The following ZNF346 variants were observed in gnomAD, a reference collection of about 807,000 sequenced individuals.
ZNF346 encodes the protein zinc finger protein 346, also known as double-stranded RNA-binding zinc finger protein JAZ.
ZNF346 carries 23 observed loss-of-function variants against 33.7 expected under a neutral mutation model. The observed-to-expected ratio is 0.68, with a 90% CI of 0.49 to 0.97. The LOEUF is 0.97. ZNF346 is among the 50% of genes least tolerant of loss of function. The pLI is 0.00. For synonymous variants in ZNF346, 134 were observed against 142.4 expected (o/e 0.94, Z 0.42); for missense variants, 340 against 371.1 (o/e 0.92, Z 0.69).
At chr5:177,032,837 C>T (rs983907229) in intron 1 of ZNF346, among the ~76,000 whole-genome samples, 7 of 152,276 alleles carry the variant, frequency 4.6e-5, no homozygotes, top group Non-Finnish European at 1.0e-4. Flanking sequence ...AGAAGGATCA[C>T]TTGAGGCCAG....
chr5:177,032,445 T>C (rs1777865385), intron 1 of ZNF346, among the ~76,000 whole-genome samples: 1 of 150,840 alleles, frequency 6.6e-6, no homozygotes, highest in South Asian at 2.1e-4. Context: ...AGTTTCGCCC[T>C]TGTCACCCAG....
intron 1 of ZNF346, among the ~76,000 whole-genome samples, chr5:177,027,675 C>A (rs1409133189): frequency 7.7e-6 from 1 of 129,516 alleles, no homozygotes; most frequent in Non-Finnish European, 1.6e-5. Flanking sequence ...TTTTTAAATT[C>A]TCTATTTATT....
At chr5:177,030,680 A>G (rs999944168) in intron 1 of ZNF346, among the ~76,000 whole-genome samples, 5 of 151,988 alleles carry the variant, frequency 3.3e-5, no homozygotes, top group African/African-American at 9.7e-5. Context: ...AAAATGTACA[A>G]TTCTGTGGTT....
intron 1 of ZNF346, among the ~76,000 whole-genome samples, chr5:177,024,157 TACAC>T (rs144403449): frequency 7.4e-5 from 9 of 121,358 alleles, no homozygotes; most frequent in African/African-American, 1.6e-4. Flanking sequence ...ATTTTATGTA[TACAC>T]ACACACACAC....
At chr5:177,029,038 G>A (rs413948) in intron 1 of ZNF346, among the ~76,000 whole-genome samples, 138,266 of 152,060 alleles carry the variant, frequency 0.91, 62,965 homozygotes, top group East Asian at 0.99. Flanking sequence ...GCCCCTTTCA[G>A]CCACACCTTG....
chr5:177,036,897 A>G (rs1778586388), intron 1 of ZNF346, among the ~76,000 whole-genome samples: 1 of 150,990 alleles, frequency 6.6e-6, no homozygotes, highest in Non-Finnish European at 1.5e-5. Context: ...ATGCCACTGC[A>G]CTCCAGTGTG....
chr5:177,033,366 C>G (rs1448933721), intron 1 of ZNF346, among the ~76,000 whole-genome samples: 2 of 152,218 alleles, frequency 1.3e-5, no homozygotes, highest in Admixed American at 6.5e-5. Context: ...GCGTGGGCCA[C>G]TGACCCAGCC....
At chr5:177,036,556 C>A (rs2149610803) in intron 1 of ZNF346, among the ~76,000 whole-genome samples, 1 of 152,200 alleles carries the variant, frequency 6.6e-6, no homozygotes, top group Non-Finnish European at 1.5e-5. Context: ...TGTACGCAGC[C>A]TCAGGGTGGC....
intron 1 of ZNF346, among the ~76,000 whole-genome samples, chr5:177,028,305 A>G (rs1351920906): frequency 6.7e-6 from 1 of 149,580 alleles, no homozygotes; most frequent in Non-Finnish European, 1.5e-5. Context: ...GCTTTCCCAA[A>G]GCACTGGGAT....
At position 177,022,798 on chromosome 5, in the gene ZNF346, C is replaced by A; in HGVS notation, c.60C>A (p.Tyr20Ter). 1 of 1,546,042 alleles carries A rather than the reference C, an allele frequency of 6.5e-7. No individual in the cohort carries two copies. Among genetic ancestry groups the A allele is most frequent in the Non-Finnish European group, 8.7e-7 (1 of 1,147,024 alleles). Reference protein sequence around the residue: ...QAADGGAAGPYSSSELLEGQE... With the variant: ...QAADGGAAGP Reference sequence around the variant, plus strand: ...CGGACGGCGGAGCGGCCGGGCCTTACAGCAGCTCGGAGTTGCTGGAGGGCC... The same window carrying A: ...CGGACGGCGGAGCGGCCGGGCCTTAAAGCAGCTCGGAGTTGCTGGAGGGCC... Residue 20 changes from tyrosine to a stop codon, truncating the protein, a stop_gained, in exon 1 of 7, where the codon TAC becomes TAA. Transcript: ENST00000358149. LOFTEE classifies it high-confidence loss of function.
At chr5:177,033,079 G>A (rs557438295) in intron 1 of ZNF346, among the ~76,000 whole-genome samples, 54 of 152,068 alleles carry the variant, frequency 3.6e-4, no homozygotes, top group African/African-American at 1.3e-3. Flanking sequence ...ATTGTTTGAG[G>A]GGTTTTTGCT....
At chr5:177,024,131 A>G (rs547292788) in intron 1 of ZNF346, among the ~76,000 whole-genome samples, 1 of 136,188 alleles carries the variant, frequency 7.3e-6, no homozygotes, top group South Asian at 2.4e-4. Flanking sequence ...ATATATTTTT[A>G]TATACACTTG....
chr5:177,064,912 C>A lies in ZNF346; in HGVS notation c.*313C>A. On this transcript the variant is annotated 3_prime_UTR_variant, in exon 7 of 7. Transcript: ENST00000358149. Reference sequence around the variant, plus strand: ...GGGCCTTAGGTGCTGAGGCCCCTGCCACCTGTCTTTCCTCTAAAGGTCAGT... The same window carrying A: ...GGGCCTTAGGTGCTGAGGCCCCTGCAACCTGTCTTTCCTCTAAAGGTCAGT... The A allele has an allele frequency of 3.1e-6, 1 of 320,484 alleles. No homozygotes were observed. Among genetic ancestry groups the A allele is most frequent in the Non-Finnish European group, 5.8e-6 (1 of 172,366 alleles). 19.9% of individuals were successfully genotyped at this position (320,484 alleles called of 1,614,324 possible). A position where few individuals can be genotyped will look rare whatever the true frequency, so the allele number is the denominator to read the frequency against.
At chr5:177,023,209 G>A (rs1222840281) in intron 1 of ZNF346, 5 of 1,536,474 alleles carry the variant, frequency 3.3e-6, no homozygotes, top group Non-Finnish European at 4.4e-6. Context: ...TCGTCCTGTC[G>A]GAGACCTACA....
At chr5:177,038,100 A>G (rs1228229531) in intron 1 of ZNF346, among the ~76,000 whole-genome samples, 1 of 126,852 alleles carries the variant, frequency 7.9e-6, no homozygotes, top group Non-Finnish European at 1.5e-5. Flanking sequence ...TTTTTTTTAA[A>G]TTTTCAGAGT....
intron 1 of ZNF346, among the ~76,000 whole-genome samples, chr5:177,030,211 T>C (rs554292215): frequency 2.1e-4 from 32 of 152,328 alleles, no homozygotes; most frequent in Admixed American, 1.9e-3. Context: ...CTTTGATACA[T>C]GTTATTCAAT....
At chr5:177,036,105 A>T (rs1392344559) in intron 1 of ZNF346, among the ~76,000 whole-genome samples, 1 of 152,058 alleles carries the variant, frequency 6.6e-6, no homozygotes, top group Non-Finnish European at 1.5e-5. Flanking sequence ...TGGTGGCTCA[A>T]GTTGAAACAG....
chr5:177,037,556 C>T (rs1778675661), intron 1 of ZNF346, among the ~76,000 whole-genome samples: 1 of 152,136 alleles, frequency 6.6e-6, no homozygotes, highest in African/African-American at 2.4e-5. Context: ...GACTCCTTTC[C>T]TTCCTTCACT....
intron 1 of ZNF346, among the ~76,000 whole-genome samples, chr5:177,037,143 G>A (rs1012572214): frequency 3.9e-5 from 6 of 152,100 alleles, no homozygotes; most frequent in African/African-American, 1.4e-4. Flanking sequence ...TGTTGCTTCT[G>A]CAGGAGATCT....
Sources: allele counts gnomAD v4.1 joint callset (sites outside exome capture counted in the v4.1 genomes callset), GRCh38; gene constraint gnomAD v4.1.1; transcripts MANE v1.5; gene names NCBI Gene and HGNC (gene_info 2026-07-23, HGNC 2026-07-21).